DENND1A: variants seen among roughly 807,000 people sequenced by gnomAD.
DENND1A encodes DENN domain-containing protein 1A.
Under a neutral mutation model 113.7 loss-of-function variants are expected in DENND1A, and 51 were observed. That is an observed-to-expected ratio of 0.45 (90% CI 0.36 to 0.57). DENND1A has a LOEUF of 0.57. DENND1A is among the 20% of genes least tolerant of loss of function. The probability of loss-of-function intolerance (pLI) is 0.00; values close to 1 mark genes in which losing one functional copy is unlikely to be tolerated. For synonymous variants in DENND1A, 565 were observed against 570.8 expected (o/e 0.99, Z 0.14); for missense variants, 1,258 against 1,395.9 (o/e 0.90, Z 1.57).
chr9:123,382,414 G>A lies in DENND1A; in HGVS notation c.2231C>T (p.Pro744Leu). Residue 744 changes from proline to leucine, a missense_variant, in exon 24 of 24, where the codon CCC becomes CTC. Transcript: ENST00000394215. ...GGTGGGCACCTCCTCCTTGTCACTGGGGTTCAGGATGCTGTCCCGGTTCTG... is the reference window on the plus strand; with the variant it reads ...GGTGGGCACCTCCTCCTTGTCACTGAGGTTCAGGATGCTGTCCCGGTTCTG... ...RPQNRDSILN[P>L]SDKEEVPTPT... The A allele has an allele frequency of 1.2e-6, 2 of 1,603,956 alleles. No homozygotes were observed. The highest frequency in any genetic ancestry group is 2.2e-5 in the South Asian group (2 of 89,630).
chr9:123,457,580 C>T, intron 14 of DENND1A, 145 bp from the exon 15 acceptor site: 1 of 788,804 alleles, frequency 1.3e-6, no homozygotes. Flanking sequence ...ATACCGGCTG[C>T]ATATTTATGA....
rs895961763 is a variant in DENND1A at position 123,528,805 on chromosome 9, C to T, written c.993+28765G>A. Among the ~76,000 whole-genome samples the T allele has an allele frequency of 2.6e-5, 4 of 152,218 alleles. No individual in the cohort carries two copies. The South Asian group carries it at 6.2e-4, about 24-fold the overall frequency. ...ATTCCAAACTAGCCCCTCTTAGTGTCGTCTTTCAAAGACACACTTCATAGT... is the reference window on the plus strand; with the variant it reads ...ATTCCAAACTAGCCCCTCTTAGTGTTGTCTTTCAAAGACACACTTCATAGT... On this transcript the variant is annotated intron_variant, in intron 13 of 23. Coordinates refer to ENST00000394215, the MANE Select transcript of DENND1A (RefSeq NM_001352964.2).
At position 123,403,833 on chromosome 9, in the gene DENND1A, T is replaced by C. The variant is rs112753286; in HGVS notation, c.1543-343A>G. On this transcript the variant is annotated intron_variant, in intron 20 of 23. Transcript: ENST00000394215. ...ATAGGACCCGGAACAAAGAGGCCCT[T>C]ATCAATGACAATTCCCTCTCATCTT... is the stretch of plus-strand genomic sequence containing the variant. 1.9e-3 allele frequency among the ~76,000 whole-genome samples: 293 copies of C among 152,298 alleles called. 1 individual carries two copies. Among genetic ancestry groups the C allele is most frequent in the African/African-American group, 6.7e-3 (279 of 41,560 alleles).
At chr9:123,446,659 T>TA (rs2047328424) in intron 18 of DENND1A, among the ~76,000 whole-genome samples, 1 of 151,760 alleles carries the variant, frequency 6.6e-6, no homozygotes, top group African/African-American at 2.4e-5. Flanking sequence ...ACTCTGTCCC[T>TA]AAAAAAAATT....
chr9:123,902,174 T>C (rs202237443), intron 1 of DENND1A, among the ~76,000 whole-genome samples: 76 of 132,076 alleles, frequency 5.8e-4, no homozygotes, highest in South Asian at 7.2e-4. Context: ...CACACACACA[T>C]ACACACACAC....
At chr9:123,854,424 G>A (rs973281544) in intron 2 of DENND1A, among the ~76,000 whole-genome samples, 3 of 152,162 alleles carry the variant, frequency 2.0e-5, no homozygotes, top group Admixed American at 6.5e-5. Context: ...AGCTGGGCAC[G>A]GTGGTTCACA....
intron 10 of DENND1A, among the ~76,000 whole-genome samples, chr9:123,612,431 T>G (rs2060459571): frequency 2.0e-5 from 3 of 152,252 alleles, no homozygotes; most frequent in African/African-American, 7.2e-5. Flanking sequence ...CACCTACCCA[T>G]GATTATATTA....
intron 2 of DENND1A, among the ~76,000 whole-genome samples, chr9:123,856,554 A>G (rs952156226): frequency 6.6e-6 from 1 of 152,188 alleles, no homozygotes; most frequent in Non-Finnish European, 1.5e-5. Context: ...TGAGCAGGGT[A>G]AGGAACTTTC....
intron 13 of DENND1A, among the ~76,000 whole-genome samples, chr9:123,513,651 G>A (rs1288134466): frequency 4.6e-5 from 7 of 152,194 alleles, no homozygotes; most frequent in African/African-American, 1.7e-4. Context: ...ACTGCTTTGG[G>A]TTGATGCTGC....
intron 18 of DENND1A, among the ~76,000 whole-genome samples, chr9:123,442,995 T>C (rs1588552637): frequency 6.6e-6 from 1 of 152,250 alleles, no homozygotes; most frequent in Non-Finnish European, 1.5e-5. Context: ...TTTCCCTGTG[T>C]GGACGGCCTA....
At chr9:123,413,830 C>A in intron 19 of DENND1A, 2 of 985,224 alleles carry the variant, frequency 2.0e-6, no homozygotes, top group Non-Finnish European at 1.2e-6. Flanking sequence ...GGGAACAGCC[C>A]CCCCACCCCT....
intron 13 of DENND1A, chr9:123,493,091 T>A (rs138989555): frequency 1.1e-4 from 17 of 152,516 alleles, no homozygotes; most frequent in East Asian, 5.8e-4. Context: ...GGGGCAGTGA[T>A]GCTCAGGCAG....
At chr9:123,494,402 G>A (rs533295757) in intron 13 of DENND1A, among the ~76,000 whole-genome samples, 61 of 152,218 alleles carry the variant, frequency 4.0e-4, no homozygotes, top group Non-Finnish European at 7.4e-4. Flanking sequence ...GGCATGGTGG[G>A]GGTACGTCAG....
At chr9:123,500,183 G>A (rs58780575) in intron 13 of DENND1A, among the ~76,000 whole-genome samples, 4,877 of 152,156 alleles carry the variant, frequency 0.032, 270 homozygotes, top group African/African-American at 0.11. Flanking sequence ...AGGTTCCATC[G>A]TTTGAACTAT....
At chr9:123,808,615 C>T (rs1465858278) in intron 2 of DENND1A, among the ~76,000 whole-genome samples, 1 of 152,092 alleles carries the variant, frequency 6.6e-6, no homozygotes, top group Non-Finnish European at 1.5e-5. Context: ...CACCTGAGAT[C>T]AAGCAATCCC....
At chr9:123,411,346 C>A (rs1258537894) in intron 20 of DENND1A, 2 of 152,190 alleles carry the variant, frequency 1.3e-5, no homozygotes, top group Non-Finnish European at 2.9e-5. Flanking sequence ...CTCCATACTC[C>A]CTGGACATAG....
rs552136811 is a variant in DENND1A, at chr9:123,420,363, C to A, written c.1489-8534G>T. ...GCTGGGCTTCACTCTGAACGGCAGA[C>A]TCCACAGTGAGGTTTCTGGGTGCCC... On this transcript the variant is annotated intron_variant, in intron 19 of 23. Coordinates refer to ENST00000394215, the MANE Select transcript of DENND1A (RefSeq NM_001352964.2). 3.9e-5 allele frequency among the ~76,000 whole-genome samples: 6 copies of A among 152,326 alleles called. No homozygotes were observed. In the South Asian group the frequency reaches 8.3e-4, roughly 21 times the overall value.
chr9:123,611,100 G>T (rs1037210585), intron 10 of DENND1A, among the ~76,000 whole-genome samples: 1 of 152,196 alleles, frequency 6.6e-6, no homozygotes, highest in Admixed American at 6.5e-5. Context: ...AACTATTCTA[G>T]AAGACTTTTG....
intron 11 of DENND1A, among the ~76,000 whole-genome samples, chr9:123,592,263 C>T (rs370649322): frequency 2.4e-4 from 37 of 152,204 alleles, no homozygotes; most frequent in Non-Finnish European, 5.0e-4. Context: ...AAGGAAAATG[C>T]GAATAAGTCT....
Sources: allele counts gnomAD v4.1 joint callset (sites outside exome capture counted in the v4.1 genomes callset), GRCh38; gene constraint gnomAD v4.1.1; transcripts MANE v1.5; gene names NCBI Gene and HGNC (gene_info 2026-07-23, HGNC 2026-07-21).